Variants in IGF2BP2 observed in about 807,000 individuals in gnomAD.
IGF2BP2 encodes the protein insulin like growth factor 2 mRNA binding protein 2.
In IGF2BP2, 17 loss-of-function variants were observed where a neutral mutation model predicts 75.8. The ratio of observed to expected loss-of-function variants is 0.22; its 90% CI spans 0.15 to 0.34. The LOEUF (loss-of-function observed/expected upper bound fraction) is 0.34. Ranked by LOEUF, IGF2BP2 falls within the 10% of genes least tolerant of loss-of-function variation. IGF2BP2 has a pLI of 1.00. For missense variants in IGF2BP2, 516 were observed against 772.4 expected, an observed-to-expected ratio of 0.67 and a Z score of 3.93; for synonymous variants, 288 against 295.6, an observed-to-expected ratio of 0.97 and a Z score of 0.26.
chr3:185,665,344 A>AGG (rs1717237907), intron 10 of IGF2BP2, among the ~76,000 whole-genome samples: 15 of 43,216 alleles, frequency 3.5e-4, no homozygotes, highest in African/African-American at 5.4e-4. Context: ...GGAGGAGGAG[A>AGG]AGGAGGAGGA....
In IGF2BP2 at chr3:185,805,893, C is replaced by A. The variant is rs551247570; in HGVS notation, c.239+17260G>T. 1.3e-4 allele frequency among the ~76,000 whole-genome samples: 20 copies of A among 151,872 alleles called. No homozygotes were observed. In the South Asian group the frequency reaches 3.5e-3, roughly 27 times the overall value. On this transcript the variant is annotated intron_variant, in intron 2 of 15. Transcript: ENST00000382199. ...TCAACTGATTCTCCTGCCTCAGCCT[C>A]CCAAGTAGCTGGGATTACAGGTGCC...
At chr3:185,676,407 G>A (rs1322487479) in intron 7 of IGF2BP2, among the ~76,000 whole-genome samples, 1 of 152,168 alleles carries the variant, frequency 6.6e-6, no homozygotes, top group Non-Finnish European at 1.5e-5. Context: ...GCCGGGCGCC[G>A]TGGTTCACGC....
chr3:185,812,525 G>A (rs370699661), intron 2 of IGF2BP2, among the ~76,000 whole-genome samples: 10 of 152,202 alleles, frequency 6.6e-5, no homozygotes, highest in Admixed American at 2.6e-4. Context: ...GCAGATGTAG[G>A]AGTAACAAGG....
rs972208362 is a variant in IGF2BP2, at chr3:185,820,245, C to T, written c.239+2908G>A. Among the ~76,000 whole-genome samples, 546 of 72,410 alleles carry T rather than the reference C, an allele frequency of 7.5e-3. 1 individual carries two copies. Among genetic ancestry groups the T allele is most frequent in the African/African-American group, 0.039 (457 of 11,718 alleles). The allele number at this position is 72,410 out of a possible 152,430, so 47.5% of individuals were successfully genotyped here. On this transcript the variant is annotated intron_variant, in intron 2 of 15. Coordinates refer to ENST00000382199, the MANE Select transcript of IGF2BP2 (RefSeq NM_006548.6). ...GTGTATATATACACATACACACACACACACACACACACACACACACACACA... is the reference window on the plus strand; with the variant it reads ...GTGTATATATACACATACACACACATACACACACACACACACACACACACA...
intron 2 of IGF2BP2, among the ~76,000 whole-genome samples, chr3:185,817,047 A>G (rs1740707554): frequency 6.6e-6 from 1 of 152,240 alleles, no homozygotes; most frequent in African/African-American, 2.4e-5. Context: ...ATATGGGTAA[A>G]TAAGAGAAAG....
rs200567142 is a variant in IGF2BP2 at position 185,650,270 on chromosome 3, ATCTT to A, written c.1462-740_1462-737del. Among the ~76,000 whole-genome samples, 875 of 150,586 alleles carry A rather than the reference ATCTT, an allele frequency of 5.8e-3. 6 individuals are homozygous for A. The highest frequency in any genetic ancestry group is 0.013 in the African/African-American group (515 of 40,778). On this transcript the variant is annotated intron_variant, in intron 13 of 15. Transcript: ENST00000382199. ...CCAAAGGCAGAGGAGCCAAGAACCT[ATCTT>A]TCTTTTTTTTTTTTAGTGAAAAAGA... is the stretch of plus-strand genomic sequence containing the variant.
At chr3:185,682,921 C>T (rs1333194552) in intron 7 of IGF2BP2, among the ~76,000 whole-genome samples, 2 of 152,010 alleles carry the variant, frequency 1.3e-5, no homozygotes, top group African/African-American at 4.8e-5. Context: ...TACCATATGA[C>T]CCAGCAATCT....
At chr3:185,798,785 T>C (rs1352471351) in intron 2 of IGF2BP2, among the ~76,000 whole-genome samples, 1 of 139,432 alleles carries the variant, frequency 7.2e-6, no homozygotes, top group Non-Finnish European at 1.5e-5. Context: ...TTTTTCTTTT[T>C]TCTTTTTTTC....
intron 10 of IGF2BP2, among the ~76,000 whole-genome samples, chr3:185,665,206 AAGG>A (rs1251083208): frequency 6.9e-6 from 1 of 145,540 alleles, no homozygotes; most frequent in Non-Finnish European, 1.5e-5. Context: ...GAAGGAGAAG[AAGG>A]AGAAGGAAGA....
chr3:185,799,762 A>G (rs1480258331), intron 2 of IGF2BP2, among the ~76,000 whole-genome samples: 5 of 152,156 alleles, frequency 3.3e-5, no homozygotes, highest in African/African-American at 1.2e-4. Flanking sequence ...AAAAAAAAAA[A>G]AAAAGTCAGG....
chr3:185,763,838 T>C (rs555082544), intron 2 of IGF2BP2, among the ~76,000 whole-genome samples: 2 of 152,302 alleles, frequency 1.3e-5, no homozygotes, highest in South Asian at 2.1e-4. Context: ...ATGTATGTTA[T>C]GGGAAACAGT....
chr3:185,693,992 C>G (rs1005347611), intron 4 of IGF2BP2, among the ~76,000 whole-genome samples: 6 of 152,068 alleles, frequency 3.9e-5, no homozygotes, highest in African/African-American at 7.2e-5. Context: ...CCTGAGACCC[C>G]GAAAAGCTTA....
chr3:185,707,433 T>C (rs1427968813), intron 2 of IGF2BP2, among the ~76,000 whole-genome samples: 1 of 148,672 alleles, frequency 6.7e-6, no homozygotes, highest in Non-Finnish European at 1.5e-5. Context: ...CTCAGCCTCC[T>C]GAGTAGCTGG....
At chr3:185,802,868 G>A (rs1305748007) in intron 2 of IGF2BP2, among the ~76,000 whole-genome samples, 1 of 152,232 alleles carries the variant, frequency 6.6e-6, no homozygotes, top group Non-Finnish European at 1.5e-5. Flanking sequence ...CAGAAGTGCT[G>A]AGAGTAGCCT....
rs1725438297 is a variant in IGF2BP2 at position 185,715,406 on chromosome 3, A to G, written c.240-17059T>C. On this transcript the variant is annotated intron_variant, in intron 2 of 15. Transcript: ENST00000382199. ...CACCAAGACTCAGACACGAATCATC[A>G]CGCCCCACACAGAGTCAGTACACGC... Among the ~76,000 whole-genome samples the G allele has an allele frequency of 2.6e-5, 4 of 152,318 alleles. No individual in the cohort carries two copies. In the South Asian group the frequency reaches 8.3e-4, roughly 32 times the overall value.
intron 7 of IGF2BP2, among the ~76,000 whole-genome samples, chr3:185,676,132 T>C (rs905369546): frequency 3.3e-5 from 5 of 152,098 alleles, no homozygotes; most frequent in Non-Finnish European, 7.4e-5. Context: ...TAGTAGCTGG[T>C]TGGAAGTGGA....
At chr3:185,674,177 G>A (rs1035039269) in intron 9 of IGF2BP2, among the ~76,000 whole-genome samples, 28 of 152,100 alleles carry the variant, frequency 1.8e-4, no homozygotes, top group Middle Eastern at 3.2e-3. Flanking sequence ...GTGCTTTGTC[G>A]ACATTTATTT....
intron 10 of IGF2BP2, among the ~76,000 whole-genome samples, chr3:185,665,236 GAGAAGGAGA>G (rs1255718585): frequency 2.7e-4 from 38 of 142,806 alleles, no homozygotes; most frequent in Non-Finnish European, 4.8e-4. Flanking sequence ...GGAGGAGGAG[GAGAAGGAGA>G]AGAAGGAGAA....
At chr3:185,711,084 C>T (rs1043810109) in intron 2 of IGF2BP2, among the ~76,000 whole-genome samples, 1 of 152,100 alleles carries the variant, frequency 6.6e-6, no homozygotes, top group South Asian at 2.1e-4. Context: ...ATAAATTATT[C>T]TTATTATTAA....
Sources: gnomAD v4.1 joint callset for allele counts (sites outside exome capture counted in the v4.1 genomes callset) on GRCh38, gnomAD v4.1.1 for gene constraint, MANE v1.5 for transcripts, NCBI Gene and HGNC (gene_info 2026-07-23, HGNC 2026-07-21) for gene names.